The following RBFOX1 variants were observed in gnomAD, a reference collection of about 807,000 sequenced individuals.
RBFOX1 encodes RNA binding protein fox-1 homolog 1.
Under a neutral mutation model 57.7 loss-of-function variants are expected in RBFOX1, and 8 were observed. That is an observed-to-expected ratio of 0.14 (90% CI 0.08 to 0.25). RBFOX1 has a LOEUF of 0.25. Among genes scored for constraint, RBFOX1 ranks in the 10% least tolerant of loss-of-function variants. The pLI, the probability that RBFOX1 is intolerant of heterozygous loss-of-function variation, is 1.00. For missense variants in RBFOX1, 611 were observed against 548.5 expected, an observed-to-expected ratio of 1.11 and a Z score of -1.14; for synonymous variants, 326 against 222.4, an observed-to-expected ratio of 1.47 and a Z score of -4.15.
intron 14 of RBFOX1, among the ~76,000 whole-genome samples, chr16:7,707,281 T>C (rs1568596897): frequency 6.6e-6 from 1 of 152,118 alleles, no homozygotes; most frequent in Non-Finnish European, 1.5e-5. Flanking sequence ...TCTGAGAAGG[T>C]CCATCATCAC....
intron 3 of RBFOX1, among the ~76,000 whole-genome samples, chr16:6,931,111 T>G (rs1008142749): frequency 6.6e-6 from 1 of 152,128 alleles, no homozygotes; most frequent in African/African-American, 2.4e-5. Context: ...ACTTATTGAT[T>G]TATATTATAA....
chr16:7,280,715 C>T lies in RBFOX1; in HGVS notation c.27+228617C>T, dbSNP rs1257222670. 3.3e-5 allele frequency among the ~76,000 whole-genome samples: 5 copies of T among 152,112 alleles called. No individual in the cohort carries two copies. In the South Asian group the frequency reaches 6.2e-4, roughly 19 times the overall value. ...GACGTTTTGGACCAGATTGATAGTT[C>T]ATTGATATGAGTTTTATCCATTGTA... On this transcript the variant is annotated intron_variant, in intron 4 of 15. Transcript: ENST00000550418.
At chr16:7,221,483 C>G (rs2092728376) in intron 4 of RBFOX1, among the ~76,000 whole-genome samples, 1 of 152,054 alleles carries the variant, frequency 6.6e-6, no homozygotes, top group Non-Finnish European at 1.5e-5. Flanking sequence ...TCTCCTGCCT[C>G]AGCTTCCAGA....
chr16:7,565,713 T>G (rs1285948441), intron 5 of RBFOX1, among the ~76,000 whole-genome samples: 1 of 152,200 alleles, frequency 6.6e-6, no homozygotes, highest in Non-Finnish European at 1.5e-5. Flanking sequence ...CAGAAGCTTT[T>G]CTCTCTGAGA....
intron 2 of RBFOX1, among the ~76,000 whole-genome samples, chr16:6,503,444 C>G (rs139616105): frequency 6.6e-6 from 1 of 152,280 alleles, no homozygotes; most frequent in Non-Finnish European, 1.5e-5. Context: ...TTCACATTTC[C>G]CTGGGTGGAC....
chr16:6,497,208 C>T (rs1200442338), intron 2 of RBFOX1, among the ~76,000 whole-genome samples: 1 of 152,136 alleles, frequency 6.6e-6, no homozygotes, highest in East Asian at 1.9e-4. Context: ...CTTGCTTAAC[C>T]ACTGTGTTTT....
At chr16:6,614,587 T>C (rs1223362488) in intron 2 of RBFOX1, among the ~76,000 whole-genome samples, 1 of 152,132 alleles carries the variant, frequency 6.6e-6, no homozygotes, top group Non-Finnish European at 1.5e-5. Flanking sequence ...TTCTGGAGGT[T>C]GCATGTCTGA....
At chr16:7,455,751 C>T (rs1196874335) in intron 4 of RBFOX1, among the ~76,000 whole-genome samples, 3 of 135,120 alleles carry the variant, frequency 2.2e-5, no homozygotes, top group Non-Finnish European at 4.6e-5. Context: ...TGTGCCATTG[C>T]ACTCCAGCCT....
intron 4 of RBFOX1, among the ~76,000 whole-genome samples, chr16:7,390,033 G>C (rs547900354): frequency 6.6e-6 from 1 of 152,122 alleles, no homozygotes; most frequent in Non-Finnish European, 1.5e-5. Context: ...TATAATCATG[G>C]CAGAAGGTGA....
At chr16:7,451,132 C>G (rs1461929810) in intron 4 of RBFOX1, among the ~76,000 whole-genome samples, 5 of 152,166 alleles carry the variant, frequency 3.3e-5, no homozygotes, top group African/African-American at 1.2e-4. Flanking sequence ...AAGAATCGTA[C>G]TCAGAAAACA....
intron 4 of RBFOX1, among the ~76,000 whole-genome samples, chr16:5,877,856 C>T (rs1487074318): frequency 6.6e-6 from 1 of 152,162 alleles, no homozygotes; most frequent in African/African-American, 2.4e-5. Context: ...CTGGGTGTTC[C>T]CATGGTGATG....
chr16:6,134,555 G>A (rs1208862118), intron 1 of RBFOX1, among the ~76,000 whole-genome samples: 2 of 152,170 alleles, frequency 1.3e-5, no homozygotes, highest in Non-Finnish European at 2.9e-5. Flanking sequence ...AGGTACCAAA[G>A]ACATGACATT....
At chr16:7,141,296 A>G (rs973062320) in intron 4 of RBFOX1, among the ~76,000 whole-genome samples, 1 of 152,168 alleles carries the variant, frequency 6.6e-6, no homozygotes, top group African/African-American at 2.4e-5. Flanking sequence ...ATATTTATTC[A>G]TTATTCACCC....
chr16:5,373,660 G>A lies in RBFOX1; in HGVS notation c.220-93556G>A, dbSNP rs186206946. Among the ~76,000 whole-genome samples the A allele has an allele frequency of 1.9e-3, 291 of 151,442 alleles. 1 individual carries two copies. Among genetic ancestry groups the A allele is most frequent in the African/African-American group, 6.8e-3 (279 of 41,282 alleles). ...CTCTCTGTCACCCAGGCTGGTGTGC[G>A]GTGGTGCGATCTTGGCTCACTGCAC... On this transcript the variant is annotated intron_variant, in intron 1 of 2. Coordinates refer to the RBFOX1 transcript ENST00000585867.
chr16:6,102,965 T>C (rs1027031419), intron 1 of RBFOX1, among the ~76,000 whole-genome samples: 2 of 152,192 alleles, frequency 1.3e-5, no homozygotes, highest in African/African-American at 4.8e-5. Context: ...AGGGCCATTC[T>C]AATGCTTTCC....
At chr16:5,637,848 GGCCTC>G (rs1214316930) in intron 3 of RBFOX1, among the ~76,000 whole-genome samples, 1 of 152,132 alleles carries the variant, frequency 6.6e-6, no homozygotes, top group East Asian at 1.9e-4. Flanking sequence ...GGATTCCAGG[GGCCTC>G]TCCTACCGCC....
intron 1 of RBFOX1, among the ~76,000 whole-genome samples, chr16:6,139,685 A>G (rs1269717050): frequency 6.6e-6 from 1 of 152,170 alleles, no homozygotes; most frequent in Non-Finnish European, 1.5e-5. Flanking sequence ...TGGCCATGCC[A>G]TCTTTTCTCT....
intron 4 of RBFOX1, among the ~76,000 whole-genome samples, chr16:7,287,162 T>G (rs544087809): frequency 6.6e-6 from 1 of 152,146 alleles, no homozygotes; most frequent in Admixed American, 6.6e-5. Flanking sequence ...GAGAGAAGAT[T>G]AGTGATTCTC....
chr16:6,954,141 C>A (rs1460638365), intron 3 of RBFOX1, among the ~76,000 whole-genome samples: 1 of 152,130 alleles, frequency 6.6e-6, no homozygotes. Context: ...TTGGAAGTTA[C>A]AGGTTAGATC....
Sources: allele counts gnomAD v4.1 joint callset (sites outside exome capture counted in the v4.1 genomes callset), GRCh38; gene constraint gnomAD v4.1.1; transcripts MANE v1.5; gene names NCBI Gene and HGNC (gene_info 2026-07-23, HGNC 2026-07-21).